The following SMIM45 variants were observed in gnomAD, a reference collection of about 807,000 sequenced individuals.
SMIM45 encodes the protein small integral membrane protein 45.
At chr22:41,950,908 C>G in the SMIM45 span, among the ~76,000 whole-genome samples, 2 of 152,220 alleles carry the variant, frequency 1.3e-5, no homozygotes, top group Admixed American at 6.5e-5. Flanking sequence ...AGGGGAATCG[C>G]TTGAACCCGG....
chr22:41,951,935 G>T, the SMIM45 span, among the ~76,000 whole-genome samples: 1 of 152,202 alleles, frequency 6.6e-6, no homozygotes, highest in East Asian at 1.9e-4. Context: ...CCAGGCTTGG[G>T]GTCCTGCAGC....
At chr22:41,948,823 G>A in the SMIM45 span, among the ~76,000 whole-genome samples, 1 of 152,174 alleles carries the variant, frequency 6.6e-6, no homozygotes, top group Non-Finnish European at 1.5e-5. Context: ...AGCATTTTGG[G>A]AGGCCGAGGC....
the SMIM45 span, among the ~76,000 whole-genome samples, chr22:41,950,778 G>A: frequency 6.6e-6 from 1 of 152,190 alleles, no homozygotes; most frequent in Non-Finnish European, 1.5e-5. Context: ...GGCAGATCAT[G>A]AGGTCAGTAG....
At chr22:41,950,812 C>G in the SMIM45 span, among the ~76,000 whole-genome samples, 1 of 152,106 alleles carries the variant, frequency 6.6e-6, no homozygotes, top group Non-Finnish European at 1.5e-5. Context: ...TGGCCAATAT[C>G]GTAAACCCGC....
the SMIM45 span, among the ~76,000 whole-genome samples, chr22:41,957,451 T>G: frequency 6.6e-6 from 1 of 150,838 alleles, no homozygotes; most frequent in Non-Finnish European, 1.5e-5. Context: ...ATCCGCCCAC[T>G]TCGGCCTCCA....
At chr22:41,954,574 G>A in the SMIM45 span, among the ~76,000 whole-genome samples, 12 of 152,202 alleles carry the variant, frequency 7.9e-5, no homozygotes, top group Non-Finnish European at 1.2e-4. Flanking sequence ...CAAAATGAAA[G>A]CATATGCAAA....
the SMIM45 span, among the ~76,000 whole-genome samples, chr22:41,948,497 C>G: frequency 1.3e-5 from 2 of 152,118 alleles, no homozygotes; most frequent in Non-Finnish European, 2.9e-5. Context: ...GTGTCTTGCT[C>G]AGAAAGATCA....
chr22:41,958,708 A>C, the SMIM45 span: 5 of 234,988 alleles, frequency 2.1e-5, no homozygotes, highest in South Asian at 2.6e-4. Context: ...GGCAGCAGGC[A>C]GGAGCCCCTG....
At chr22:41,953,442 A>G in the SMIM45 span, among the ~76,000 whole-genome samples, 1 of 152,232 alleles carries the variant, frequency 6.6e-6, no homozygotes, top group African/African-American at 2.4e-5. Flanking sequence ...CGCAAGCCTC[A>G]GGGCATCGCT....
At chr22:41,948,274 C>T in the SMIM45 span, among the ~76,000 whole-genome samples, 1 of 152,164 alleles carries the variant, frequency 6.6e-6, no homozygotes, top group African/African-American at 2.4e-5. Flanking sequence ...GGATTACATT[C>T]ATCCATTCAT....
At chr22:41,958,504 GA>G in the SMIM45 span, 2 of 405,690 alleles carry the variant, frequency 4.9e-6, no homozygotes, top group Non-Finnish European at 1.0e-5. Context: ...GAGAGAGAGA[GA>G]GAGTCTGGGG....
the SMIM45 span, among the ~76,000 whole-genome samples, chr22:41,951,255 A>G: frequency 6.6e-6 from 1 of 152,264 alleles, no homozygotes; most frequent in South Asian, 2.1e-4. Context: ...CCTCCTGAGA[A>G]TAGCCCTCAA....
the SMIM45 span, chr22:41,957,809 A>G: frequency 6.5e-6 from 1 of 154,208 alleles, no homozygotes; most frequent in Non-Finnish European, 1.5e-5. Flanking sequence ...CAAGTGGCGC[A>G]TGCAGCGCCC....
chr22:41,955,774 C>T, the SMIM45 span, among the ~76,000 whole-genome samples: 4 of 148,126 alleles, frequency 2.7e-5, no homozygotes, highest in African/African-American at 1.0e-4. Flanking sequence ...CCACTGCATT[C>T]CAGCCTGGGT....
the SMIM45 span, among the ~76,000 whole-genome samples, chr22:41,950,590 C>T: frequency 5.3e-4 from 81 of 152,268 alleles, no homozygotes; most frequent in African/African-American, 1.8e-3. Flanking sequence ...CCAAGCTACT[C>T]GGGAGGCTGA....
the SMIM45 span, among the ~76,000 whole-genome samples, chr22:41,949,602 G>A: frequency 2.6e-5 from 4 of 152,222 alleles, no homozygotes; most frequent in African/African-American, 4.8e-5. Context: ...GACTCTGGTG[G>A]GGACTTTCCA....
the SMIM45 span, among the ~76,000 whole-genome samples, chr22:41,950,810 A>G: frequency 6.6e-6 from 1 of 152,070 alleles, no homozygotes; most frequent in Non-Finnish European, 1.5e-5. Context: ...CCTGGCCAAT[A>G]TCGTAAACCC....
chr22:41,956,676 T>A, the SMIM45 span, among the ~76,000 whole-genome samples: 1 of 152,238 alleles, frequency 6.6e-6, no homozygotes, highest in Non-Finnish European at 1.5e-5. Flanking sequence ...GTCACCCCAC[T>A]GAATCCTCAC....
the SMIM45 span, among the ~76,000 whole-genome samples, chr22:41,947,552 G>A: frequency 5.5e-4 from 84 of 151,946 alleles, no homozygotes; most frequent in African/African-American, 2.0e-3. Flanking sequence ...ATTTTTAGTA[G>A]AGACGGGGTT....
Sources: allele counts gnomAD v4.1 joint callset (sites outside exome capture counted in the v4.1 genomes callset), GRCh38; gene constraint gnomAD v4.1.1; transcripts MANE v1.5; gene names NCBI Gene and HGNC (gene_info 2026-07-23, HGNC 2026-07-21).